Variants in SCUBE2 observed in about 807,000 individuals in gnomAD.
The protein encoded by SCUBE2 is signal peptide, CUB domain and EGF like domain containing 2.
A neutral mutation model predicts 125.9 loss-of-function variants in SCUBE2; 114 were observed. The ratio of observed to expected loss-of-function variants is 0.91; its 90% CI spans 0.78 to 1.06. The LOEUF (loss-of-function observed/expected upper bound fraction) is 1.06, where lower values mean the gene tolerates loss of function less well. Among genes scored for constraint, SCUBE2 ranks in the 50% least tolerant of loss-of-function variants. The pLI, the probability that SCUBE2 is intolerant of heterozygous loss-of-function variation, is 0.00. For synonymous variants in SCUBE2, 459 were observed against 492.9 expected (o/e 0.93, Z 0.91); for missense variants, 1,255 against 1,301.8 (o/e 0.96, Z 0.55).
intron 1 of SCUBE2, chr11:9,090,474 T>A (rs1310119805): frequency 8.6e-5 from 4 of 46,254 alleles, no homozygotes; most frequent in African/African-American, 1.5e-4. Context: ...AGATTTTTTT[T>A]TTATTTATTT....
rs184191020 is a variant in SCUBE2, at chr11:9,019,851, A to G, written c.*1194T>C. 6.6e-6 allele frequency among the ~76,000 whole-genome samples: 1 copy of G among 152,302 alleles called. No individual in the cohort carries two copies. Among genetic ancestry groups the G allele is most frequent in the African/African-American group, 2.4e-5 (1 of 41,562 alleles). The stretch of plus-strand genomic sequence containing the variant: ...ATTGGATTCCTTTTTATTCACTGTA[A>G]TGAGATTTTTGCTTGGGGATTTAAA... On this transcript the variant is annotated 3_prime_UTR_variant, in exon 23 of 23. Coordinates refer to ENST00000649792, the MANE Select transcript of SCUBE2 (RefSeq NM_001367977.2).
In SCUBE2 at chr11:9,025,704, T is replaced by A. The variant is rs368077986; in HGVS notation, c.2852A>T (p.Asp951Val). Residue 951 changes from aspartate (D) to valine (V), a missense_variant and splice_region_variant, in exon 21 of 23, where the codon GAT becomes GTT. Asp to Val is a radical substitution (Grantham distance 152). Coordinates refer to ENST00000649792, the MANE Select transcript of SCUBE2 (RefSeq NM_001367977.2). Reference protein sequence around the residue: ...RGFQVPYVTYDEDYQELIEDI... With the variant: ...RGFQVPYVTYVEDYQELIEDI... The stretch of plus-strand genomic sequence containing the variant: ...CATGTGCTGCAGGCTGTGCTTACCA[T>A]CATATGTCACGTATGGGACCTGGAA... The A allele has an allele frequency of 2.5e-6, 4 of 1,614,016 alleles. No individual in the cohort carries two copies. Among genetic ancestry groups the A allele is most frequent in the Non-Finnish European group, 3.4e-6 (4 of 1,179,996 alleles).
At chr11:9,064,407 A>G (rs558489283) in intron 7 of SCUBE2, 1 of 151,450 alleles carries the variant, frequency 6.6e-6, no homozygotes, top group African/African-American at 2.4e-5. Flanking sequence ...CGGAGGTTGC[A>G]GTGAGATATG....
At chr11:9,021,430 C>CT (rs112333794) in intron 22 of SCUBE2, among the ~76,000 whole-genome samples, 61,296 of 151,920 alleles carry the variant, frequency 0.4, 13,662 homozygotes, top group Non-Finnish European at 0.49. Flanking sequence ...ATCCTGTTTT[C>CT]TTTTTCCCAA....
intron 1 of SCUBE2, 50 bp from the exon 2 acceptor site, chr11:9,089,879 G>C (rs752140068): frequency 1.3e-6 from 2 of 1,599,048 alleles, no homozygotes; most frequent in South Asian, 2.3e-5. Flanking sequence ...GGCCATGTGT[G>C]ATCTGGCCTC....
chr11:9,032,975 G>C (rs7109896), intron 17 of SCUBE2, among the ~76,000 whole-genome samples: 7 of 151,858 alleles, frequency 4.6e-5, no homozygotes, highest in Non-Finnish European at 7.4e-5. Context: ...GGAGCAGCAC[G>C]AGGGGTCTTC....
At chr11:9,039,002 T>C (rs1856978747) in intron 16 of SCUBE2, among the ~76,000 whole-genome samples, 1 of 152,062 alleles carries the variant, frequency 6.6e-6, no homozygotes, top group Non-Finnish European at 1.5e-5. Flanking sequence ...CCTCCCACCT[T>C]AGACTCCTGA....
At chr11:9,066,852 T>G in intron 5 of SCUBE2, 39 bp from the exon 6 acceptor site, 1 of 1,507,594 alleles carries the variant, frequency 6.6e-7, no homozygotes, top group Non-Finnish European at 9.2e-7. Context: ...GCACTGAGAT[T>G]TCCACAAACA....
At chr11:9,030,155 G>C in intron 18 of SCUBE2, 110 bp from the exon 19 acceptor site, 1 of 1,278,300 alleles carries the variant, frequency 7.8e-7, no homozygotes, top group Non-Finnish European at 1.1e-6. Flanking sequence ...TGCAAATGAA[G>C]TAGGGCTTTC....
chr11:9,084,391 A>G (rs1861893766), intron 2 of SCUBE2, among the ~76,000 whole-genome samples: 1 of 152,258 alleles, frequency 6.6e-6, no homozygotes, highest in Admixed American at 6.5e-5. Context: ...CAAAATTACC[A>G]GGAGACACAC....
chr11:9,053,136 G>C lies in SCUBE2; in HGVS notation c.1410C>G (p.Cys470Trp), dbSNP rs755112756. The change falls in exon 12 of 23, where the codon TGC becomes TGG. Residue 470 changes from cysteine (C) to tryptophan (W), a missense_variant. Cys to Trp is a radical substitution (Grantham distance 215). Coordinates refer to ENST00000649792, the MANE Select transcript of SCUBE2 (RefSeq NM_001367977.2). ...HCGKSGGGDG[C>W]FLRCHSGIHL... ...GAATGCCAGAGTGACATCTGAGGAA[G>C]CACCCGTCTCCTCCACCACTCTTAC... The C allele has an allele frequency of 6.2e-7, 1 of 1,614,076 alleles. No individual in the cohort carries two copies. Among genetic ancestry groups the C allele is most frequent in the African/African-American group, 1.3e-5 (1 of 74,950 alleles).
intron 21 of SCUBE2, among the ~76,000 whole-genome samples, chr11:9,022,184 G>A (rs1034487950): frequency 1.3e-4 from 20 of 152,028 alleles, no homozygotes; most frequent in East Asian, 9.6e-4. Context: ...TCCCTCAGAC[G>A]AGCCTCTGTG....
intron 16 of SCUBE2, among the ~76,000 whole-genome samples, chr11:9,046,713 A>C (rs1464625724): frequency 6.6e-6 from 1 of 152,170 alleles, no homozygotes; most frequent in Non-Finnish European, 1.5e-5. Flanking sequence ...ACTTTTTTCC[A>C]CTTTGTTTCT....
At chr11:9,038,570 ACAC>A (rs981027619) in intron 16 of SCUBE2, among the ~76,000 whole-genome samples, 2 of 152,204 alleles carry the variant, frequency 1.3e-5, no homozygotes, top group African/African-American at 4.8e-5. Flanking sequence ...AGCCAAAATC[ACAC>A]CACTACACTC....
At chr11:9,088,070 T>C (rs1178511615) in intron 2 of SCUBE2, among the ~76,000 whole-genome samples, 1 of 152,282 alleles carries the variant, frequency 6.6e-6, no homozygotes, top group Non-Finnish European at 1.5e-5. Flanking sequence ...CTGAGCATTA[T>C]ATACTGTTCC....
Position 9,074,547 on chromosome 11 carries a change from CAT to C in SCUBE2, c.449_450del (p.Tyr150Ter). On this transcript the variant is annotated frameshift_variant, in exon 4 of 23. Transcript: ENST00000649792. LOFTEE classifies it high-confidence loss of function. ...AAAAACCCCTCCTTGCAGCAGCACT[CAT>C]AGCTCCCCATGACGTTGACACAGGT... ...QHTCVNVMGSYECCCKEGFFL... is the reference protein window; with the variant it reads ...QHTCVNVMGSXECCCKEGFFL... The C allele has an allele frequency of 1.2e-6, 2 of 1,614,222 alleles. No homozygotes were observed. The highest frequency in any genetic ancestry group is 1.7e-6 in the Non-Finnish European group (2 of 1,180,034).
intron 13 of SCUBE2, 64 bp from the exon 14 acceptor site, chr11:9,050,774 G>C: frequency 7.9e-7 from 1 of 1,272,510 alleles, no homozygotes; most frequent in Non-Finnish European, 1.2e-6. Context: ...CACCAGATGG[G>C]AAGCAGCAAG....
intron 21 of SCUBE2, among the ~76,000 whole-genome samples, chr11:9,024,788 C>G (rs1253650632): frequency 6.6e-6 from 1 of 152,214 alleles, no homozygotes; most frequent in Non-Finnish European, 1.5e-5. Context: ...AGACTTTGCT[C>G]TATTCCTTCT....
intron 15 of SCUBE2, 44 bp from the exon 16 acceptor site, chr11:9,047,606 G>A (rs1214837732): frequency 6.3e-7 from 1 of 1,581,544 alleles, no homozygotes; most frequent in African/African-American, 1.3e-5. Context: ...AGATCAGGCT[G>A]CAGCGTGTGA....
Sources: gnomAD v4.1 joint callset for allele counts (sites outside exome capture counted in the v4.1 genomes callset) on GRCh38, gnomAD v4.1.1 for gene constraint, MANE v1.5 for transcripts, NCBI Gene and HGNC (gene_info 2026-07-23, HGNC 2026-07-21) for gene names.